The following EXOC2 variants were observed in gnomAD, a reference collection of about 807,000 sequenced individuals.
EXOC2 encodes the protein exocyst complex component 2.
In EXOC2, 70 loss-of-function variants were observed where a neutral mutation model predicts 131.8. The ratio of observed to expected loss-of-function variants is 0.53; its 90% CI spans 0.44 to 0.65. The LOEUF (loss-of-function observed/expected upper bound fraction) is 0.65. EXOC2 is among the 30% of genes least tolerant of loss of function. The probability of loss-of-function intolerance (pLI) is 0.00; values close to 1 mark genes in which losing one functional copy is unlikely to be tolerated. For synonymous variants in EXOC2, 411 were observed against 398.4 expected, an observed-to-expected ratio of 1.03 and a Z score of -0.38; for missense variants, 923 against 1,108.6, an observed-to-expected ratio of 0.83 and a Z score of 2.38.
At chr6:656,799 A>T in intron 1 of EXOC2, 2 of 1,605,082 alleles carry the variant, frequency 1.2e-6, no homozygotes, top group Non-Finnish European at 1.7e-6. Flanking sequence ...GGCCTCGTGG[A>T]GGCCGCCGGA....
At position 637,868 on chromosome 6, in the gene EXOC2, A is replaced by G. The variant is rs1211049466; in HGVS notation, c.-43-7T>C. 5.8e-6 allele frequency: 9 copies of G among 1,550,480 alleles called. No individual in the cohort carries two copies. The highest frequency in any genetic ancestry group is 2.3e-5 in the East Asian group (1 of 44,068). On this transcript the variant is annotated splice_polypyrimidine_tract_variant and splice_region_variant and intron_variant, in intron 1 of 27. Coordinates refer to ENST00000230449, the MANE Select transcript of EXOC2 (RefSeq NM_018303.6). ...ATCCTGTTAGAGAAGTAATCTGTTA[A>G]AAGAGAAAGAAAAAAGGATTAGTAC... is the stretch of plus-strand genomic sequence containing the variant.
At chr6:660,980 T>C (rs199718375) in intron 1 of EXOC2, among the ~76,000 whole-genome samples, 2 of 152,080 alleles carry the variant, frequency 1.3e-5, no homozygotes, top group African/African-American at 4.8e-5. Flanking sequence ...TCAGGAAACT[T>C]TGGACACACT....
chr6:596,417 G>T (rs4335022), intron 10 of EXOC2, among the ~76,000 whole-genome samples: 1 of 151,626 alleles, frequency 6.6e-6, no homozygotes, highest in Admixed American at 6.6e-5. Context: ...ACCCAGGCTC[G>T]AGTGCAGTGG....
chr6:526,864 GCAAGT>G (rs1235815095), intron 23 of EXOC2, among the ~76,000 whole-genome samples: 5 of 152,126 alleles, frequency 3.3e-5, no homozygotes, highest in African/African-American at 1.2e-4. Flanking sequence ...ATGAACTTGA[GCAAGT>G]CACTTAACTT....
intron 1 of EXOC2, among the ~76,000 whole-genome samples, chr6:662,239 T>A (rs560195077): frequency 1.4e-3 from 212 of 152,246 alleles, no homozygotes; most frequent in African/African-American, 4.4e-3. Flanking sequence ...AGCACTAGAC[T>A]GGTCATCAAG....
chr6:610,563 T>C (rs888944970), intron 6 of EXOC2, among the ~76,000 whole-genome samples: 2 of 152,218 alleles, frequency 1.3e-5, no homozygotes, highest in Non-Finnish European at 2.9e-5. Context: ...GAAATGTTCA[T>C]TGGAGCACTT....
chr6:601,156 C>T (rs1020829869), intron 7 of EXOC2, among the ~76,000 whole-genome samples: 1 of 152,202 alleles, frequency 6.6e-6, no homozygotes, highest in Admixed American at 6.5e-5. Flanking sequence ...TCACAGATAA[C>T]GCCACCAGGA....
intron 23 of EXOC2, among the ~76,000 whole-genome samples, chr6:523,048 G>A (rs1473242811): frequency 6.6e-6 from 1 of 152,222 alleles, no homozygotes; most frequent in African/African-American, 2.4e-5. Context: ...GAGGGAGTGA[G>A]ACTGGAGAGG....
chr6:690,393 G>A (rs991710191), intron 1 of EXOC2, among the ~76,000 whole-genome samples: 4 of 152,242 alleles, frequency 2.6e-5, no homozygotes, highest in East Asian at 1.9e-4. Context: ...ATGCCGATGC[G>A]TGTGTCACCC....
chr6:564,034 T>C lies in EXOC2; in HGVS notation c.1788A>G (p.Glu596=). 2 of 1,613,660 alleles carry C rather than the reference T, an allele frequency of 1.2e-6. No individual in the cohort carries two copies. Among genetic ancestry groups the C allele is most frequent in the Non-Finnish European group, 1.7e-6 (2 of 1,179,800 alleles). ...CGTCACCGATTTATCAAAACACACC[T>C]TCCGCCGTGTGCTGCAACGTGGCCA... ...CVMATLQHTA[E]EIKRLAEKED... The change falls in exon 16 of 28, where the codon GAA becomes GAG. Residue 596 remains glutamate (E), a splice_region_variant and synonymous_variant. Transcript: ENST00000230449.
At position 616,592 on chromosome 6, in the gene EXOC2, A is replaced by G. The variant is rs1231694956; in HGVS notation, c.661+1119T>C. Among the ~76,000 whole-genome samples the G allele has an allele frequency of 6.2e-3, 604 of 97,360 alleles. 5 individuals carry two copies. Among genetic ancestry groups the G allele is most frequent in the African/African-American group, 0.02 (525 of 26,660 alleles). 63.9% of individuals were successfully genotyped at this position (97,360 alleles called of 152,430 possible). A position where few individuals can be genotyped will look rare whatever the true frequency, so the allele number is the denominator to read the frequency against. On this transcript the variant is annotated intron_variant, in intron 6 of 27. Coordinates refer to ENST00000230449, the MANE Select transcript of EXOC2 (RefSeq NM_018303.6). ...CACTCCCGCCTGGGCGACAGAGCGA[A>G]ACTCCGTCTCAAAAAAAAAAAAAAA...
chr6:623,890 G>A (rs1177950296), intron 4 of EXOC2, among the ~76,000 whole-genome samples: 1 of 152,170 alleles, frequency 6.6e-6, no homozygotes, highest in Non-Finnish European at 1.5e-5. Context: ...AACCACAATT[G>A]CTAAGGAAAT....
At chr6:570,861 G>A (rs944257094) in intron 13 of EXOC2, among the ~76,000 whole-genome samples, 2 of 152,134 alleles carry the variant, frequency 1.3e-5, no homozygotes, top group East Asian at 1.9e-4. Context: ...CTGCCCACAC[G>A]AACAATTTGG....
chr6:617,965 A>T, intron 5 of EXOC2, 130 bp from the exon 6 acceptor site: 1 of 1,069,052 alleles, frequency 9.4e-7, no homozygotes, highest in South Asian at 2.5e-5. Flanking sequence ...TATCATACGA[A>T]GCCAGATGAA....
intron 22 of EXOC2, among the ~76,000 whole-genome samples, chr6:538,707 G>A (rs1264161213): frequency 6.6e-6 from 1 of 152,126 alleles, no homozygotes; most frequent in Non-Finnish European, 1.5e-5. Flanking sequence ...ACTTTACCAG[G>A]GTGTAAAAGC....
intron 22 of EXOC2, among the ~76,000 whole-genome samples, chr6:537,234 T>C (rs1362100137): frequency 1.3e-5 from 2 of 148,180 alleles, no homozygotes; most frequent in African/African-American, 2.5e-5. Context: ...ACACACGAGA[T>C]GACGGCCGAC....
At chr6:536,633 A>G (rs1200004148) in intron 22 of EXOC2, among the ~76,000 whole-genome samples, 2 of 152,244 alleles carry the variant, frequency 1.3e-5, no homozygotes, top group Non-Finnish European at 2.9e-5. Context: ...ATACTACTTG[A>G]TATCAAGACT....
chr6:597,989 G>C, intron 10 of EXOC2, 32 bp downstream of exon 10: 1 of 1,512,952 alleles, frequency 6.6e-7, no homozygotes, highest in Non-Finnish European at 9.2e-7. Context: ...ACAGATACAT[G>C]TGATTCAACA....
intron 1 of EXOC2, among the ~76,000 whole-genome samples, chr6:690,470 G>A (rs1020812787): frequency 5.9e-5 from 9 of 152,176 alleles, no homozygotes; most frequent in African/African-American, 2.2e-4. Flanking sequence ...CAGCACTCTG[G>A]GAGGCCGAGG....
Sources: gnomAD v4.1 joint callset for allele counts (sites outside exome capture counted in the v4.1 genomes callset) on GRCh38, gnomAD v4.1.1 for gene constraint, MANE v1.5 for transcripts, NCBI Gene and HGNC (gene_info 2026-07-23, HGNC 2026-07-21) for gene names.